Variants in ZNF536 observed in about 807,000 individuals in gnomAD.
ZNF536 encodes the protein zinc finger protein 536.
Under a neutral mutation model 84.5 loss-of-function variants are expected in ZNF536, and 13 were observed. The ratio of observed to expected loss-of-function variants is 0.15; its 90% CI spans 0.10 to 0.24. ZNF536 has a LOEUF of 0.24. ZNF536 is among the 10% of genes least tolerant of loss of function. The pLI is 1.00. For missense variants in ZNF536, 1,536 were observed against 1,747.5 expected (o/e 0.88, Z 2.16); for synonymous variants, 811 against 742.5 (o/e 1.09, Z -1.50).
Position 30,697,091 on chromosome 19 carries a change from G to T in ZNF536, c.170-13666G>T, listed in dbSNP as rs112989679. ...GCCTCAGGAAACTTACAGTCATGGC[G>T]TAAGGTAAAGGGGAAGCCAGGCATG... On this transcript the variant is annotated intron_variant, in intron 1 of 1. Coordinates refer to the ZNF536 transcript ENST00000592773. 2.0e-5 allele frequency among the ~76,000 whole-genome samples: 3 copies of T among 152,262 alleles called. No homozygotes were observed. In the East Asian group the frequency reaches 5.8e-4, roughly 29 times the overall value.
In ZNF536 at chr19:30,323,306, G is replaced by T. The variant is rs1294791159; in HGVS notation, c.-119-29062G>T. 3.3e-5 allele frequency among the ~76,000 whole-genome samples: 5 copies of T among 152,160 alleles called. No homozygotes were observed. The East Asian group carries it at 9.7e-4, about 29-fold the overall frequency. ...TTATCCCTTCCTTTCTTACTTTCCT[G>T]TATCCCCCACATTGACTACCCTTTC... On this transcript the variant is annotated intron_variant, in intron 2 of 5. Transcript: ENST00000585628.
intron 2 of ZNF536, among the ~76,000 whole-genome samples, chr19:30,531,241 G>A (rs1379755891): frequency 6.6e-6 from 1 of 152,174 alleles, no homozygotes; most frequent in Non-Finnish European, 1.5e-5. Context: ...AAGATAGAAA[G>A]ATAAAAGGAA....
intron 2 of ZNF536, among the ~76,000 whole-genome samples, chr19:30,522,021 C>T (rs2044338469): frequency 6.6e-6 from 1 of 151,824 alleles, no homozygotes; most frequent in South Asian, 2.1e-4. Flanking sequence ...GGACATCACA[C>T]TGCCAGGGAC....
intron 1 of ZNF536, among the ~76,000 whole-genome samples, chr19:30,684,657 C>A (rs1166311378): frequency 1.3e-5 from 2 of 152,182 alleles, no homozygotes; most frequent in Non-Finnish European, 2.9e-5. Flanking sequence ...GTTTGCTTTC[C>A]TGCTTTATCT....
intron 2 of ZNF536, among the ~76,000 whole-genome samples, chr19:30,335,667 C>T (rs541984342): frequency 2.6e-5 from 4 of 152,298 alleles, no homozygotes; most frequent in South Asian, 2.1e-4. Context: ...TCAGCCAACC[C>T]GGGTGGAGAA....
intron 1 of ZNF536, among the ~76,000 whole-genome samples, chr19:30,702,283 C>CAT (rs1373309993): frequency 1.3e-5 from 2 of 152,258 alleles, no homozygotes; most frequent in Non-Finnish European, 2.9e-5. Flanking sequence ...GCACTGTATA[C>CAT]ATATTTATAT....
At chr19:30,465,089 T>C (rs2053325850) in intron 2 of ZNF536, among the ~76,000 whole-genome samples, 1 of 152,252 alleles carries the variant, frequency 6.6e-6, no homozygotes, top group Non-Finnish European at 1.5e-5. Flanking sequence ...TTCCCATTCA[T>C]GAAGTACGGA....
chr19:30,601,675 C>T (rs895568872), intron 1 of ZNF536, among the ~76,000 whole-genome samples: 8 of 152,152 alleles, frequency 5.3e-5, no homozygotes, highest in African/African-American at 1.2e-4. Flanking sequence ...GTGGGCAGCT[C>T]GTTCTCAGAC....
At chr19:30,304,433 C>T (rs1364521325) in intron 2 of ZNF536, among the ~76,000 whole-genome samples, 1 of 152,160 alleles carries the variant, frequency 6.6e-6, no homozygotes, top group Non-Finnish European at 1.5e-5. Context: ...ATCCCATTCT[C>T]CTGCAAGGAA....
chr19:30,533,832 G>A (rs919744959), intron 2 of ZNF536, among the ~76,000 whole-genome samples: 4 of 152,190 alleles, frequency 2.6e-5, no homozygotes, highest in African/African-American at 9.6e-5. Flanking sequence ...AGGCCTTCAG[G>A]CTCCTGCTCT....
chr19:30,531,754 A>G (rs1014514705), intron 2 of ZNF536, among the ~76,000 whole-genome samples: 4 of 152,010 alleles, frequency 2.6e-5, no homozygotes, highest in African/African-American at 9.7e-5. Context: ...CCTCCCCGGT[A>G]GCTGGGACTA....
At chr19:30,689,923 T>C (rs1325709515) in intron 1 of ZNF536, among the ~76,000 whole-genome samples, 1 of 152,256 alleles carries the variant, frequency 6.6e-6, no homozygotes, top group Non-Finnish European at 1.5e-5. Flanking sequence ...GCGTGGCTTT[T>C]CATTTGGCAT....
rs142812385 is a variant in ZNF536, at chr19:30,549,287, C to T, written c.3668C>T (p.Ser1223Leu). 3.1e-4 allele frequency: 500 copies of T among 1,613,552 alleles called. No individual in the cohort carries two copies. The highest frequency in any genetic ancestry group is 4.1e-4 in the Non-Finnish European group (480 of 1,179,972). Residue 1223 changes from serine to leucine, a missense_variant, in exon 4 of 5, where the codon TCA (serine) becomes TTA (leucine). Around this residue, in one of 8 missense-constraint regions of ZNF536, gnomAD observed 624 missense variants for 603.1 expected, o/e 1.03. Transcript: ENST00000355537. ...GTSQPVQGLV[S>L]PLSQAPEKQW... The stretch of plus-strand genomic sequence containing the variant: ...TCCCAGCCCGTCCAGGGACTGGTCT[C>T]ACCTTTATCCCAAGCACCGGAGAAG...
At chr19:30,673,898 G>A (rs2050656334) in intron 1 of ZNF536, among the ~76,000 whole-genome samples, 1 of 152,156 alleles carries the variant, frequency 6.6e-6, no homozygotes. Context: ...GTTCTGTAGC[G>A]AGTCATATTT....
At chr19:30,238,055 C>T (rs1224796360) in intron 1 of ZNF536, among the ~76,000 whole-genome samples, 1 of 152,190 alleles carries the variant, frequency 6.6e-6, no homozygotes, top group Admixed American at 6.5e-5. Flanking sequence ...AATTCTTTCT[C>T]CCTCATAAGG....
At chr19:30,521,886 C>T (rs1293411297) in intron 2 of ZNF536, among the ~76,000 whole-genome samples, 2 of 152,102 alleles carry the variant, frequency 1.3e-5, no homozygotes, top group Admixed American at 1.3e-4. Context: ...ACAAAGTTGC[C>T]TCTCAGGAAC....
In ZNF536 at chr19:30,445,800, C is replaced by T. The variant is rs2148240153; in HGVS notation, c.2170+68C>T. 1 of 1,500,148 alleles carries T rather than the reference C, an allele frequency of 6.7e-7. No homozygotes were observed. 92.9% of individuals were successfully genotyped at this position (1,500,148 alleles called of 1,614,324 possible). A position where few individuals can be genotyped will look rare whatever the true frequency, so the allele number is the denominator to read the frequency against. On this transcript the variant is annotated intron_variant, in intron 2 of 4. Transcript: ENST00000355537. The surrounding 1 kb of genome is among the most constrained non-coding windows in gnomAD (Gnocchi z 4.5). ...CCCTGCTCAGGGCTGCCTGGTTCTG[C>T]TCCCAGGCCTCCAGTCAGTTCCAAG...
intron 1 of ZNF536, among the ~76,000 whole-genome samples, chr19:30,435,789 G>A (rs1262916348): frequency 1.3e-5 from 2 of 152,168 alleles, no homozygotes; most frequent in African/African-American, 2.4e-5. Flanking sequence ...ACTCAGAGAA[G>A]ATGACAGGAG....
intron 1 of ZNF536, among the ~76,000 whole-genome samples, chr19:30,391,623 T>C (rs2049594455): frequency 6.6e-6 from 1 of 152,074 alleles, no homozygotes. Flanking sequence ...TTGTTCAGGG[T>C]GAACTTTATT....
Sources: gnomAD v4.1 joint callset for allele counts (sites outside exome capture counted in the v4.1 genomes callset) on GRCh38, gnomAD v4.1.1 for gene constraint, gnomAD v4.1.1 regional missense constraint, Gnocchi (gnomAD v3.1) non-coding constraint, MANE v1.5 for transcripts, NCBI Gene and HGNC (gene_info 2026-07-23, HGNC 2026-07-21) for gene names.